Variants in NANOS3 observed in about 807,000 individuals in gnomAD.
The protein encoded by NANOS3 is nanos C2HC-type zinc finger 3.
Under a neutral mutation model 13.8 loss-of-function variants are expected in NANOS3, and 11 were observed. The observed-to-expected ratio is 0.80, with a 90% CI of 0.50 to 1.32. NANOS3 has a LOEUF of 1.32. NANOS3 is among the 40% of genes most tolerant of loss of function. The pLI is 0.00. For missense variants in NANOS3, 221 were observed against 263.8 expected (o/e 0.84, Z 1.12); for synonymous variants, 119 against 115.4 (o/e 1.03, Z -0.20).
At position 13,877,455 on chromosome 19, in the gene NANOS3, C is replaced by A; in HGVS notation, c.207C>A (p.Ser69=). 6.2e-7 allele frequency: 1 copy of A among 1,611,750 alleles called. No individual in the cohort carries two copies. The change falls in exon 1 of 2, where the codon TCC becomes TCA. Residue 69 remains serine, a synonymous_variant. Coordinates refer to ENST00000339133, the MANE Select transcript of NANOS3 (RefSeq NM_001098622.3). ...AGGATCAGAAGCGCAGCCTGGAGTC[C>A]TCGCCAGCTCCCGAACGCCTGTGCT... The part of the protein sequence containing the change: ...GPKDQKRSLE[S]SPAPERLCSF...
In NANOS3 at chr19:13,877,528, G is replaced by A. The variant is rs1413205443; in HGVS notation, c.280G>A (p.Val94Met). ...GTCCCGGGCCATCTACCAGTCCCACGTGCTGAAGGACGAGGCTGGCAGGGT... is the reference window on the plus strand; with the variant it reads ...GTCCCGGGCCATCTACCAGTCCCACATGCTGAAGGACGAGGCTGGCAGGGT... Reference protein sequence around the residue: ...GESRAIYQSHVLKDEAGRVLC... With the variant: ...GESRAIYQSHMLKDEAGRVLC... Residue 94 changes from valine to methionine, a missense_variant, in exon 1 of 2, where the codon GTG (valine) becomes ATG (methionine). By Grantham distance (21) the Val-to-Met change is conservative. Around this residue, in one of 3 missense-constraint regions of NANOS3, gnomAD observed 49 missense variants for 91.0 expected, o/e 0.54. Coordinates refer to ENST00000339133, the MANE Select transcript of NANOS3 (RefSeq NM_001098622.3). The A allele has an allele frequency of 3.7e-6, 6 of 1,612,264 alleles. No individual in the cohort carries two copies. The highest frequency in any genetic ancestry group is 3.3e-5 in the South Asian group (3 of 91,088).
At chr19:13,865,732 A>G (rs1282461413) in intron 1 of NANOS3, among the ~76,000 whole-genome samples, 1 of 79,216 alleles carries the variant, frequency 1.3e-5, no homozygotes, top group African/African-American at 5.0e-5. Context: ...CGGGGCCGCC[A>G]GGGGGAGGGC....
rs1255466879 is a variant in NANOS3, at chr19:13,865,771, C to T, written n.21+334C>T. ...CGGAGATGCCCTCGCGGGGCGGGGACGCGCGATGGGGGGCGTGGGGACAGC... is the reference window on the plus strand; with the variant it reads ...CGGAGATGCCCTCGCGGGGCGGGGATGCGCGATGGGGGGCGTGGGGACAGC... On this transcript the variant is annotated intron_variant and non_coding_transcript_variant, in intron 1 of 2. Coordinates refer to the NANOS3 transcript ENST00000591161. 3.4e-5 allele frequency among the ~76,000 whole-genome samples: 5 copies of T among 148,404 alleles called. No homozygotes were observed. In the East Asian group the frequency reaches 1.0e-3, roughly 31 times the overall value.
At position 13,877,812 on chromosome 19, in the gene NANOS3, G is replaced by A. The variant is rs572943422; in HGVS notation, c.517+47G>A. Reference sequence around the variant, plus strand: ...GGGGACCTGTCCGAGGGTAGTGGCTGAGCCCCCCTGTGAAGTAAGATTAGC... The same window carrying A: ...GGGGACCTGTCCGAGGGTAGTGGCTAAGCCCCCCTGTGAAGTAAGATTAGC... On this transcript the variant is annotated intron_variant, in intron 1 of 1. Coordinates refer to ENST00000339133, the MANE Select transcript of NANOS3 (RefSeq NM_001098622.3). The A allele has an allele frequency of 2.8e-5, 43 of 1,509,810 alleles. No individual in the cohort carries two copies. The African/African-American group carries it at 5.2e-4, about 18-fold the overall frequency. The allele number at this position is 1,509,810 out of a possible 1,614,324, so 93.5% of individuals were successfully genotyped here. A position where few individuals can be genotyped will look rare whatever the true frequency, so the allele number is the denominator to read the frequency against.
chr19:13,866,949 ATCT>A (rs1976251206), intron 1 of NANOS3, among the ~76,000 whole-genome samples: 1 of 151,940 alleles, frequency 6.6e-6, no homozygotes, highest in African/African-American at 2.4e-5. Flanking sequence ...GTCACACATA[ATCT>A]TTTTTATTTT....
intron 1 of NANOS3, among the ~76,000 whole-genome samples, chr19:13,866,169 G>A (rs1976236861): frequency 6.6e-6 from 1 of 152,146 alleles, no homozygotes; most frequent in African/African-American, 2.4e-5. Flanking sequence ...TCCAAAACTG[G>A]CCATAAAAAG....
chr19:13,879,491 T>G (rs1011414466), intron 1 of NANOS3, among the ~76,000 whole-genome samples: 10 of 152,162 alleles, frequency 6.6e-5, no homozygotes, highest in African/African-American at 2.4e-4. Flanking sequence ...ATCCCAATAC[T>G]TTGGGAGGCC....
chr19:13,875,200 T>A (rs1261965556), upstream of NANOS3, among the ~76,000 whole-genome samples: 6 of 151,846 alleles, frequency 4.0e-5, no homozygotes, highest in Admixed American at 3.9e-4. Flanking sequence ...TTTTTTTTTT[T>A]TTTTAAGACA....
intron 1 of NANOS3, 81 bp from the exon 2 acceptor site, chr19:13,880,361 G>C (rs964516695): frequency 7.4e-7 from 1 of 1,350,912 alleles, no homozygotes; most frequent in Non-Finnish European, 1.1e-6. Context: ...CAGCAGGCCC[G>C]GAGGCCGAGT....
intron 1 of NANOS3, among the ~76,000 whole-genome samples, chr19:13,871,812 T>G (rs1976331869): frequency 6.7e-6 from 1 of 149,362 alleles, no homozygotes; most frequent in Admixed American, 6.7e-5. Flanking sequence ...TAGTGAGATC[T>G]CATCTCTACA....
chr19:13,865,029 CCCCGTGT>C (rs1041969098), upstream of NANOS3, among the ~76,000 whole-genome samples: 4 of 151,978 alleles, frequency 2.6e-5, no homozygotes, highest in Admixed American at 1.3e-4. Context: ...CCGCCCGCGC[CCCCGTGT>C]CCCTGATTCC....
chr19:13,868,576 G>C (rs1431560164), intron 1 of NANOS3, among the ~76,000 whole-genome samples: 1 of 151,758 alleles, frequency 6.6e-6, no homozygotes, highest in Admixed American at 6.6e-5. Flanking sequence ...AGGTACTAGG[G>C]AGGCTGAGGC....
upstream of NANOS3, among the ~76,000 whole-genome samples, chr19:13,872,599 C>T (rs1048989204): frequency 6.6e-6 from 1 of 152,212 alleles, no homozygotes; most frequent in Admixed American, 6.5e-5. Flanking sequence ...TTATTAACAC[C>T]TGTGCTCCCA....
chr19:13,864,193 C>T (rs536521718), upstream of NANOS3, among the ~76,000 whole-genome samples: 1 of 151,052 alleles, frequency 6.6e-6, no homozygotes, highest in South Asian at 2.1e-4. Flanking sequence ...TGTGCATGCT[C>T]TTATACCTGG....
chr19:13,866,250 C>T (rs1401840288), intron 1 of NANOS3, among the ~76,000 whole-genome samples: 2 of 152,078 alleles, frequency 1.3e-5, no homozygotes, highest in African/African-American at 2.4e-5. Context: ...CGGCGACCTG[C>T]CCTGGAGGGC....
At chr19:13,875,565 A>G (rs116838149), upstream of NANOS3, among the ~76,000 whole-genome samples, 855 of 151,984 alleles carry the variant, frequency 5.6e-3, 10 homozygotes, top group African/African-American at 0.02. Flanking sequence ...AATTAGAGAC[A>G]GGATCTCGCT....
At chr19:13,869,733 G>T (rs1471486139) in intron 1 of NANOS3, among the ~76,000 whole-genome samples, 1 of 150,418 alleles carries the variant, frequency 6.6e-6, no homozygotes, top group Non-Finnish European at 1.5e-5. Flanking sequence ...CCCACCCCGT[G>T]TCCCCCTTCC....
At chr19:13,878,473 G>A (rs1025095487) in intron 1 of NANOS3, among the ~76,000 whole-genome samples, 3 of 152,092 alleles carry the variant, frequency 2.0e-5, no homozygotes, top group Non-Finnish European at 2.9e-5. Flanking sequence ...TCCCAACCTC[G>A]TGATCCACCC....
rs373534006 is a variant in NANOS3, at chr19:13,878,606, T to C, written c.517+841T>C. ...ATTTATCAATTTATTTTTCTTCCTT[T>C]TTTTTTTTAATTTTTTTTTTTGAGA... is the stretch of plus-strand genomic sequence containing the variant. On this transcript the variant is annotated intron_variant, in intron 1 of 1. Coordinates refer to ENST00000339133, the MANE Select transcript of NANOS3 (RefSeq NM_001098622.3). Among the ~76,000 whole-genome samples, 28 of 151,774 alleles carry C rather than the reference T, an allele frequency of 1.8e-4. No homozygotes were observed. The East Asian group carries it at 3.3e-3, about 18-fold the overall frequency.
Sources: allele counts gnomAD v4.1 joint callset (sites outside exome capture counted in the v4.1 genomes callset), GRCh38; gene constraint gnomAD v4.1.1; regional missense constraint gnomAD v4.1.1; transcripts MANE v1.5; gene names NCBI Gene and HGNC (gene_info 2026-07-23, HGNC 2026-07-21).